Variants in RIMKLA observed in about 807,000 individuals in gnomAD.
RIMKLA encodes N-acetylaspartylglutamate synthase A.
A neutral mutation model predicts 32.7 loss-of-function variants in RIMKLA; 14 were observed. The observed-to-expected ratio is 0.43, with a 90% CI of 0.28 to 0.67. The LOEUF is 0.67. Ranked by LOEUF, RIMKLA falls within the 30% of genes least tolerant of loss-of-function variation. The pLI is 0.18. For missense variants in RIMKLA, 410 were observed against 519.0 expected (o/e 0.79, Z 2.04); for synonymous variants, 176 against 204.1 (o/e 0.86, Z 1.18).
intron 1 of RIMKLA, among the ~76,000 whole-genome samples, chr1:42,389,586 C>T (rs578229096): frequency 3.3e-5 from 5 of 152,066 alleles, no homozygotes; most frequent in Admixed American, 2.0e-4. Context: ...CCGAGGTGGG[C>T]GAATCACTTG....
Position 42,417,181 on chromosome 1 carries a change from C to T in RIMKLA, c.*2207C>T, listed in dbSNP as rs1240730238. Reference sequence around the variant, plus strand: ...ATCTAAAAGGAGGCTAGCAGGGCCCCAGCCTGAGCAGAGCAGCTAGAGAGT... The same window carrying T: ...ATCTAAAAGGAGGCTAGCAGGGCCCTAGCCTGAGCAGAGCAGCTAGAGAGT... On this transcript the variant is annotated 3_prime_UTR_variant, in exon 5 of 5. Transcript: ENST00000431473. The T allele has an allele frequency of 6.6e-6, 1 of 152,264 alleles. No homozygotes were observed. Among genetic ancestry groups the T allele is most frequent in the Non-Finnish European group, 1.5e-5 (1 of 68,066 alleles). The allele number at this position is 152,264 out of a possible 1,614,324, so 9.4% of individuals were successfully genotyped here. A position where few individuals can be genotyped will look rare whatever the true frequency, so the allele number is the denominator to read the frequency against.
At position 42,422,631 on chromosome 1, in the gene RIMKLA, T is replaced by C. The variant is rs1327572424; in HGVS notation, c.*7657T>C. 2 of 152,252 alleles carry C rather than the reference T, an allele frequency of 1.3e-5. No individual in the cohort carries two copies. The highest frequency in any genetic ancestry group is 2.1e-4 in the South Asian group (1 of 4,836). The allele number at this position is 152,252 out of a possible 1,614,324, so 9.4% of individuals were successfully genotyped here. A position where few individuals can be genotyped will look rare whatever the true frequency, so the allele number is the denominator to read the frequency against. On this transcript the variant is annotated 3_prime_UTR_variant, in exon 5 of 5. Coordinates refer to ENST00000431473, the MANE Select transcript of RIMKLA (RefSeq NM_173642.4). ...AAAATTCTGTGCCTTTTGGTGGTTC[T>C]TGTAAAGTAAGAATCACATGCTGAA...
chr1:42,392,774 C>T (rs1342479195), intron 1 of RIMKLA, among the ~76,000 whole-genome samples: 4 of 152,122 alleles, frequency 2.6e-5, no homozygotes, highest in Admixed American at 2.6e-4. Context: ...GACAGATCAC[C>T]TGAGCTCAGA....
Position 42,410,048 on chromosome 1 carries a change from CGATGTGCCCTACCT to C in RIMKLA, c.548_561del (p.Asp183ValfsTer32). ...CTGACATCTGCCATCTGATCCGCCA[CGATGTGCCCTACCT>C]GTTCCAGAAGTACGTGAAGGAGTCC... On this transcript the variant is annotated frameshift_variant, in exon 4 of 5. Coordinates refer to ENST00000431473, the MANE Select transcript of RIMKLA (RefSeq NM_173642.4). LOFTEE classifies it high-confidence loss of function. The C allele has an allele frequency of 6.2e-7, 1 of 1,614,148 alleles. No homozygotes were observed. Among genetic ancestry groups the C allele is most frequent in the Non-Finnish European group, 8.5e-7 (1 of 1,180,018 alleles).
rs535993496 is a variant in RIMKLA, at chr1:42,410,095, A to G, written c.593A>G (p.Lys198Arg). 127 of 1,614,084 alleles carry G rather than the reference A, an allele frequency of 7.9e-5. No homozygotes were observed. In the South Asian group the frequency reaches 1.4e-3, roughly 17 times the overall value. ...FQKYVKESHG[K>R]DIRVVVVGGQ... ...AAGTACGTGAAGGAGTCCCATGGAAAGGACATCCGGGTGGTGGTGGTAGGG... is the reference window on the plus strand; with the variant it reads ...AAGTACGTGAAGGAGTCCCATGGAAGGGACATCCGGGTGGTGGTGGTAGGG... The change falls in exon 4 of 5, where the codon AAG (lysine) becomes AGG (arginine). Residue 198 changes from lysine (K) to arginine (R), a missense_variant. Coordinates refer to ENST00000431473, the MANE Select transcript of RIMKLA (RefSeq NM_173642.4).
intron 1 of RIMKLA, among the ~76,000 whole-genome samples, chr1:42,397,695 A>G (rs992152288): frequency 6.6e-6 from 1 of 152,156 alleles, no homozygotes; most frequent in African/African-American, 2.4e-5. Context: ...ACTGTACTCC[A>G]TCCTGAGCGA....
intron 3 of RIMKLA, among the ~76,000 whole-genome samples, chr1:42,407,828 A>T (rs952587731): frequency 2.0e-5 from 3 of 152,240 alleles, no homozygotes; most frequent in Non-Finnish European, 2.9e-5. Context: ...AAATAATAAA[A>T]AATCAAACTG....
rs1642880285 is a variant in RIMKLA, at chr1:42,380,874, G to C, written c.-61G>C. 5.1e-6 allele frequency: 6 copies of C among 1,179,008 alleles called. No homozygotes were observed. The highest frequency in any genetic ancestry group is 6.3e-6 in the Non-Finnish European group (6 of 949,828). The allele number at this position is 1,179,008 out of a possible 1,614,324, so 73.0% of individuals were successfully genotyped here. ...CGGCCGCCCCTCCGCTCGCCCTACT[G>C]AGCGAGCGGCCCGGGGCGCCGAGGG... On this transcript the variant is annotated 5_prime_UTR_variant, in exon 1 of 5. Coordinates refer to ENST00000431473, the MANE Select transcript of RIMKLA (RefSeq NM_173642.4).
chr1:42,411,647 ATTATTTATTTAT>A (rs199789074), intron 4 of RIMKLA, among the ~76,000 whole-genome samples: 23,141 of 144,018 alleles, frequency 0.16, 1,915 homozygotes, highest in East Asian at 0.22. Flanking sequence ...TTTTATTTTT[ATTATTTATTTAT>A]TTATTTATTT....
At chr1:42,409,425 C>T (rs1643178472) in intron 3 of RIMKLA, among the ~76,000 whole-genome samples, 1 of 152,124 alleles carries the variant, frequency 6.6e-6, no homozygotes, top group Non-Finnish European at 1.5e-5. Flanking sequence ...CTTTGAGCTC[C>T]CACAGAATTA....
At chr1:42,397,752 T>A (rs893720753) in intron 1 of RIMKLA, among the ~76,000 whole-genome samples, 1 of 152,134 alleles carries the variant, frequency 6.6e-6, no homozygotes, top group African/African-American at 2.4e-5. Context: ...TACAATATAT[T>A]CTTTAGAGCA....
intron 2 of RIMKLA, among the ~76,000 whole-genome samples, chr1:42,403,715 T>C (rs1404503164): frequency 2.0e-5 from 3 of 152,222 alleles, no homozygotes; most frequent in Non-Finnish European, 4.4e-5. Context: ...CTTCAAATGA[T>C]ACCCATTGAT....
In RIMKLA at chr1:42,415,684, T is replaced by G. The variant is rs930695394; in HGVS notation, c.*710T>G. 1.3e-5 allele frequency: 2 copies of G among 152,248 alleles called. No individual in the cohort carries two copies. Among genetic ancestry groups the G allele is most frequent in the African/African-American group, 4.8e-5 (2 of 41,470 alleles). The allele number at this position is 152,248 out of a possible 1,614,324, so 9.4% of individuals were successfully genotyped here. ...TCAACTAACGTCAGCTCTAGCAGCT[T>G]CTTGCACCTTTGCTGCCTTTGGCCT... On this transcript the variant is annotated 3_prime_UTR_variant, in exon 5 of 5. Coordinates refer to ENST00000431473, the MANE Select transcript of RIMKLA (RefSeq NM_173642.4).
At chr1:42,412,075 G>C (rs1043268493) in intron 4 of RIMKLA, among the ~76,000 whole-genome samples, 1 of 152,026 alleles carries the variant, frequency 6.6e-6, no homozygotes, top group Non-Finnish European at 1.5e-5. Context: ...TAACCACGTG[G>C]CTTTATAATT....
chr1:42,386,917 A>AAATAAATG (rs55957210), intron 1 of RIMKLA, among the ~76,000 whole-genome samples: 1 of 148,234 alleles, frequency 6.7e-6, no homozygotes, highest in African/African-American at 2.5e-5. Flanking sequence ...ATAAATAAAT[A>AAATAAATG]TTAGCCAGGC....
intron 4 of RIMKLA, among the ~76,000 whole-genome samples, chr1:42,411,818 A>C (rs1012782312): frequency 6.6e-6 from 1 of 151,978 alleles, no homozygotes. Flanking sequence ...CTACAGGTGC[A>C]CACCACCATG....
chr1:42,385,747 C>G (rs59341674), intron 1 of RIMKLA, among the ~76,000 whole-genome samples: 84 of 118,606 alleles, frequency 7.1e-4, no homozygotes, highest in African/African-American at 3.9e-3. Context: ...TTCTTTCTTT[C>G]TTTCTTTCTT....
At chr1:42,410,351 G>A (rs1358843283) in intron 4 of RIMKLA, among the ~76,000 whole-genome samples, 164 bp downstream of exon 4, 2 of 152,232 alleles carry the variant, frequency 1.3e-5, no homozygotes, top group Non-Finnish European at 2.9e-5. Context: ...CTGGAGGGGA[G>A]CGTACAAGTG....
intron 4 of RIMKLA, among the ~76,000 whole-genome samples, chr1:42,410,917 T>C (rs1643192151): frequency 6.6e-6 from 1 of 152,208 alleles, no homozygotes; most frequent in Non-Finnish European, 1.5e-5. Context: ...GCTTAGACAC[T>C]GTCTGGCACT....
Sources: gnomAD v4.1 joint callset for allele counts (sites outside exome capture counted in the v4.1 genomes callset) on GRCh38, gnomAD v4.1.1 for gene constraint, MANE v1.5 for transcripts, NCBI Gene and HGNC (gene_info 2026-07-23, HGNC 2026-07-21) for gene names.